PRELID2: variants seen among roughly 807,000 people sequenced by gnomAD.
PRELID2 encodes the protein PRELI domain-containing protein 2.
A neutral mutation model predicts 28.4 loss-of-function variants in PRELID2; 25 were observed. That is an observed-to-expected ratio of 0.88 (90% CI 0.64 to 1.23). PRELID2 has a LOEUF of 1.23. Ranked by LOEUF, PRELID2 falls within the 50% of genes most tolerant of loss-of-function variation. The pLI is 0.00. For synonymous variants in PRELID2, 76 were observed against 71.6 expected (o/e 1.06, Z -0.31); for missense variants, 201 against 214.4 (o/e 0.94, Z 0.39).
At chr5:145,382,893 TA>T in the PRELID2 span, among the ~76,000 whole-genome samples, 3 of 151,694 alleles carry the variant, frequency 2.0e-5, no homozygotes, top group African/African-American at 7.2e-5. Context: ...TAAAATAATA[TA>T]AAAAATGAAA....
chr5:145,313,308 T>C, the PRELID2 span, among the ~76,000 whole-genome samples: 1 of 152,246 alleles, frequency 6.6e-6, no homozygotes, highest in African/African-American at 2.4e-5. Context: ...CTGCTCAAGA[T>C]GTCTATCTTT....
At chr5:145,425,751 G>T in the PRELID2 span, among the ~76,000 whole-genome samples, 31 of 152,228 alleles carry the variant, frequency 2.0e-4, 1 homozygote, top group South Asian at 6.2e-3. Flanking sequence ...ACTGGGGCCT[G>T]TTGTGGGTTG....
intron 1 of PRELID2, among the ~76,000 whole-genome samples, chr5:145,525,605 C>A (rs533045503): frequency 6.6e-6 from 1 of 152,186 alleles, no homozygotes; most frequent in Non-Finnish European, 1.5e-5. Flanking sequence ...TTTTTGGGTT[C>A]TTTTTCTTTT....
chr5:145,533,466 G>A (rs899271005), intron 1 of PRELID2, among the ~76,000 whole-genome samples: 1 of 152,004 alleles, frequency 6.6e-6, no homozygotes, highest in Non-Finnish European at 1.5e-5. Flanking sequence ...TAAAAATCAA[G>A]GTGGAATAAC....
the PRELID2 span, among the ~76,000 whole-genome samples, chr5:145,412,559 A>C: frequency 6.6e-6 from 1 of 152,186 alleles, no homozygotes; most frequent in African/African-American, 2.4e-5. Context: ...CCTACCTTCT[A>C]ATTTCTTCAA....
chr5:145,304,707 G>A, the PRELID2 span, among the ~76,000 whole-genome samples: 2 of 151,778 alleles, frequency 1.3e-5, no homozygotes, highest in Non-Finnish European at 2.9e-5. Context: ...TTATATCAAT[G>A]CTGAGATTTA....
the PRELID2 span, among the ~76,000 whole-genome samples, chr5:145,424,792 T>C: frequency 4.0e-4 from 61 of 152,286 alleles, no homozygotes; most frequent in Middle Eastern, 3.4e-3. Flanking sequence ...AAGAGTTAAA[T>C]GTAAAACCCA....
chr5:145,765,143 AT>A (rs1757670285), intron 5 of PRELID2, 143 bp from the exon 6 acceptor site: 2 of 592,264 alleles, frequency 3.4e-6, no homozygotes, highest in Non-Finnish European at 5.8e-6. Context: ...CATACCTGAC[AT>A]TTTTTTAATA....
chr5:145,259,572 C>T, the PRELID2 span, among the ~76,000 whole-genome samples: 3,974 of 152,280 alleles, frequency 0.026, 161 homozygotes, highest in African/African-American at 0.091. Context: ...AGTCAGTTTT[C>T]GACTTGCATG....
the PRELID2 span, among the ~76,000 whole-genome samples, chr5:145,465,892 T>G: frequency 6.6e-6 from 1 of 152,134 alleles, no homozygotes; most frequent in Non-Finnish European, 1.5e-5. Flanking sequence ...ACTTTTCCTT[T>G]TCCAAAGTAA....
At chr5:145,790,495 G>A (rs1379048961) in intron 5 of PRELID2, among the ~76,000 whole-genome samples, 3 of 152,030 alleles carry the variant, frequency 2.0e-5, no homozygotes, top group Non-Finnish European at 4.4e-5. Flanking sequence ...AGAGAATAAG[G>A]AGATGTTGGC....
intron 4 of PRELID2, among the ~76,000 whole-genome samples, chr5:145,814,169 G>C (rs1464548355): frequency 6.6e-6 from 1 of 152,086 alleles, no homozygotes; most frequent in Non-Finnish European, 1.5e-5. Context: ...GTTCCTAAAG[G>C]ATGTCCTCCC....
chr5:145,395,215 G>A, the PRELID2 span, among the ~76,000 whole-genome samples: 187 of 150,800 alleles, frequency 1.2e-3, no homozygotes, highest in African/African-American at 4.4e-3. Flanking sequence ...GGACATTGCT[G>A]ATTTCACTTC....
intron 5 of PRELID2, among the ~76,000 whole-genome samples, chr5:145,768,275 G>C (rs1757897938): frequency 6.6e-6 from 1 of 150,524 alleles, no homozygotes; most frequent in African/African-American, 2.4e-5. Context: ...TGGGGACAAG[G>C]GACGAAACAA....
chr5:145,598,622 T>C (rs990031538), intron 1 of PRELID2, among the ~76,000 whole-genome samples: 1 of 152,202 alleles, frequency 6.6e-6, no homozygotes, highest in Non-Finnish European at 1.5e-5. Flanking sequence ...CTCACTGTTG[T>C]GGCACAGTAG....
downstream of PRELID2, chr5:145,754,510 T>C (rs1306730623): frequency 6.6e-6 from 1 of 152,216 alleles, no homozygotes; most frequent in Non-Finnish European, 1.5e-5. Flanking sequence ...TGAAAAACTA[T>C]GCATGAATTT....
At chr5:145,817,481 G>A (rs1371406724) in intron 4 of PRELID2, among the ~76,000 whole-genome samples, 10 of 124,968 alleles carry the variant, frequency 8.0e-5, no homozygotes, top group Non-Finnish European at 1.0e-4. Context: ...ATTCCATTAA[G>A]TAAAAAAAAA....
intron 1 of PRELID2, among the ~76,000 whole-genome samples, chr5:145,483,808 C>T (rs1271647554): frequency 1.3e-5 from 2 of 152,156 alleles, no homozygotes; most frequent in African/African-American, 4.8e-5. Context: ...TTAAATCGGC[C>T]GAAGTGCTTA....
At chr5:145,726,207 AAG>A (rs1260420107) in intron 1 of PRELID2, among the ~76,000 whole-genome samples, 2 of 132,316 alleles carry the variant, frequency 1.5e-5, no homozygotes, top group African/African-American at 5.8e-5. Context: ...GAAAGAGCGA[AAG>A]AGAGAAGAAA....
Sources: gnomAD v4.1 joint callset for allele counts (sites outside exome capture counted in the v4.1 genomes callset) on GRCh38, gnomAD v4.1.1 for gene constraint, MANE v1.5 for transcripts, NCBI Gene and HGNC (gene_info 2026-07-23, HGNC 2026-07-21) for gene names.